The following CCDC80 variants were observed in gnomAD, a reference collection of about 807,000 sequenced individuals.
The protein encoded by CCDC80 is coiled-coil domain-containing protein 80.
A neutral mutation model predicts 78.7 loss-of-function variants in CCDC80; 49 were observed. That is an observed-to-expected ratio of 0.62 (90% CI 0.50 to 0.79). CCDC80 has a LOEUF of 0.79. Ranked by LOEUF, CCDC80 falls within the 30% of genes least tolerant of loss-of-function variation. The probability of loss-of-function intolerance (pLI) is 0.00; values close to 1 mark genes in which losing one functional copy is unlikely to be tolerated. For missense variants in CCDC80, 1,205 were observed against 1,198.6 expected (o/e 1.01, Z -0.08); for synonymous variants, 488 against 447.0 (o/e 1.09, Z -1.16).
At chr3:112,637,084 G>A (rs1369502852) in intron 2 of CCDC80, among the ~76,000 whole-genome samples, 1 of 152,154 alleles carries the variant, frequency 6.6e-6, no homozygotes, top group East Asian at 1.9e-4. Context: ...GGCAAGTGAT[G>A]GCCAAAACAG....
intron 5 of CCDC80, among the ~76,000 whole-genome samples, chr3:112,612,431 A>G (rs1386339574): frequency 6.6e-6 from 1 of 152,266 alleles, no homozygotes. Flanking sequence ...CCCAGACACA[A>G]CTAAGAGAAG....
At chr3:112,634,977 C>T (rs1304852883) in intron 2 of CCDC80, among the ~76,000 whole-genome samples, 1 of 152,234 alleles carries the variant, frequency 6.6e-6, no homozygotes, top group African/African-American at 2.4e-5. Flanking sequence ...TTAAACCACA[C>T]AGTCTTGGCA....
At chr3:112,627,973 C>T (rs775724430) in intron 3 of CCDC80, among the ~76,000 whole-genome samples, 1 of 151,954 alleles carries the variant, frequency 6.6e-6, no homozygotes, top group Non-Finnish European at 1.5e-5. Context: ...GTACCAGATG[C>T]TTATAATGGG....
intron 3 of CCDC80, among the ~76,000 whole-genome samples, chr3:112,625,510 C>G (rs1000164831): frequency 6.6e-6 from 1 of 152,064 alleles, no homozygotes. Context: ...TGAAAATAGT[C>G]CAAGTGTCCA....
intron 7 of CCDC80, among the ~76,000 whole-genome samples, chr3:112,605,990 T>A (rs1012802551): frequency 1.3e-5 from 2 of 152,240 alleles, no homozygotes; most frequent in African/African-American, 4.8e-5. Context: ...TCGATGTGTC[T>A]TTTGTAGGAA....
intron 3 of CCDC80, among the ~76,000 whole-genome samples, chr3:112,620,292 C>T (rs1209834635): frequency 1.3e-5 from 2 of 152,146 alleles, no homozygotes; most frequent in Non-Finnish European, 1.5e-5. Context: ...GGGAAAGAAT[C>T]AATCTGTTTT....
At chr3:112,618,903 A>G (rs574726286) in intron 4 of CCDC80, 65 bp downstream of exon 4, 3 of 1,543,324 alleles carry the variant, frequency 1.9e-6, no homozygotes, top group East Asian at 4.6e-5. Context: ...GGACTGTTTA[A>G]CAAAACAATT....
At position 112,605,428 on chromosome 3, in the gene CCDC80, A is replaced by T. The variant is rs780820606; in HGVS notation, c.2842T>A (p.Tyr948Asn). Residue 948 changes from tyrosine to asparagine, a missense_variant, in exon 8 of 8, where the codon TAC becomes AAC. Physicochemically the swap from Tyr to Asn is moderately radical, Grantham distance 143 (BLOSUM62 -2). Transcript: ENST00000206423. ...YRHHESYHHG[Y>N]PY ...TTACATATTTCTGCTCAGTAAGGGT[A>T]TCCATGGTGATAACTCTCATGATGA... The T allele has an allele frequency of 1.9e-6, 3 of 1,611,888 alleles. No homozygotes were observed. Among genetic ancestry groups the T allele is most frequent in the Non-Finnish European group, 1.7e-6 (2 of 1,178,240 alleles).
intron 2 of CCDC80, among the ~76,000 whole-genome samples, chr3:112,635,735 A>AG (rs1228065831): frequency 1.3e-5 from 2 of 152,192 alleles, no homozygotes; most frequent in Non-Finnish European, 2.9e-5. Context: ...TTCTCTCACT[A>AG]GGCCAAAGAA....
chr3:112,605,813 C>T (rs1935475526), intron 7 of CCDC80, 50 bp from the exon 8 acceptor site: 1 of 1,452,666 alleles, frequency 6.9e-7, no homozygotes, highest in Non-Finnish European at 9.5e-7. Context: ...CAGTCAGAGC[C>T]CATGAAAACA....
At chr3:112,630,420 A>C in intron 2 of CCDC80, 151 bp from the exon 3 acceptor site, 1 of 742,146 alleles carries the variant, frequency 1.3e-6, no homozygotes, top group Non-Finnish European at 2.2e-6. Context: ...ATTAGGACCA[A>C]AAAGGGCCAT....
At chr3:112,621,127 C>T (rs1286400255) in intron 3 of CCDC80, among the ~76,000 whole-genome samples, 8 of 152,168 alleles carry the variant, frequency 5.3e-5, no homozygotes, top group Non-Finnish European at 5.9e-5. Context: ...TGCCCAGTAA[C>T]TACAGCTTCT....
chr3:112,608,355 T>A (rs971693789), intron 6 of CCDC80, among the ~76,000 whole-genome samples: 16 of 151,970 alleles, frequency 1.1e-4, no homozygotes, highest in East Asian at 5.8e-4. Flanking sequence ...TTCAAAAAAA[T>A]TTTTTTTTCA....
chr3:112,622,931 C>T (rs1219855843), intron 3 of CCDC80, among the ~76,000 whole-genome samples: 1 of 151,284 alleles, frequency 6.6e-6, no homozygotes, highest in African/African-American at 2.4e-5. Flanking sequence ...CCACCTTAGC[C>T]TTCCAAAGTG....
At chr3:112,634,420 C>T (rs1349035890) in intron 2 of CCDC80, among the ~76,000 whole-genome samples, 1 of 152,144 alleles carries the variant, frequency 6.6e-6, no homozygotes, top group South Asian at 2.1e-4. Context: ...ATGATGGCTT[C>T]TCAGCTATAC....
At chr3:112,613,016 G>A (rs1439904006) in intron 5 of CCDC80, among the ~76,000 whole-genome samples, 1 of 151,996 alleles carries the variant, frequency 6.6e-6, no homozygotes. Context: ...AGCATTTATT[G>A]ACTACTTGCT....
Position 112,639,787 on chromosome 3 carries a change from A to C in CCDC80, c.119T>G (p.Leu40Trp). The C allele has an allele frequency of 6.2e-7, 1 of 1,614,174 alleles. No individual in the cohort carries two copies. Among genetic ancestry groups the C allele is most frequent in the Non-Finnish European group, 8.5e-7 (1 of 1,180,040 alleles). ...TGGCCTACTGCTGTCCGGAGAAACC[A>C]AAGGCACTTTCCGTCCTCCGTGGCT... ...RGSHGGRKVPLVSPDSSRPAR... is the reference protein window; with the variant it reads ...RGSHGGRKVPWVSPDSSRPAR... Residue 40 changes from leucine (L) to tryptophan (W), a missense_variant, in exon 2 of 8, where the codon TTG becomes TGG. By Grantham distance (61) the Leu-to-Trp change is moderately conservative. Coordinates refer to ENST00000206423, the MANE Select transcript of CCDC80 (RefSeq NM_199511.3).
At chr3:112,612,501 T>C (rs1552707) in intron 5 of CCDC80, among the ~76,000 whole-genome samples, 149,132 of 152,306 alleles carry the variant, frequency 0.98, 73,028 homozygotes, top group Admixed American at 0.99. Context: ...GATACAAGGT[T>C]GCAGCTCATG....
intron 2 of CCDC80, 104 bp downstream of exon 2, chr3:112,637,924 C>A (rs1214284134): frequency 1.3e-5 from 19 of 1,505,468 alleles, no homozygotes; most frequent in Non-Finnish European, 1.7e-5. Context: ...CAGGTTCAGT[C>A]ACAGTCTGGC....
Sources: gnomAD v4.1 joint callset for allele counts (sites outside exome capture counted in the v4.1 genomes callset) on GRCh38, gnomAD v4.1.1 for gene constraint, MANE v1.5 for transcripts, NCBI Gene and HGNC (gene_info 2026-07-23, HGNC 2026-07-21) for gene names.